The following DYNC2H1 variants were observed in gnomAD, a reference collection of about 807,000 sequenced individuals.
DYNC2H1 encodes cytoplasmic dynein 2 heavy chain 1.
A neutral mutation model predicts 570.0 loss-of-function variants in DYNC2H1; 410 were observed. The ratio of observed to expected loss-of-function variants is 0.72; its 90% confidence interval spans 0.66 to 0.78. DYNC2H1 has a LOEUF of 0.78. Among genes scored for constraint, DYNC2H1 ranks in the 30% least tolerant of loss-of-function variants. The pLI, the probability that DYNC2H1 is intolerant of heterozygous loss-of-function variation, is 0.00. For missense variants in DYNC2H1, 4,865 were observed against 5,046.4 expected, an observed-to-expected ratio of 0.96 and a Z score of 1.09; for synonymous variants, 1,688 against 1,677.6, an observed-to-expected ratio of 1.01 and a Z score of -0.15.
chr11:103,460,254 G>A (rs141351362), intron 87 of DYNC2H1, among the ~76,000 whole-genome samples: 1 of 152,042 alleles, frequency 6.6e-6, no homozygotes, highest in Non-Finnish European at 1.5e-5. Flanking sequence ...GAGAGTGAGG[G>A]AACACAAAAC....
intron 83 of DYNC2H1, among the ~76,000 whole-genome samples, chr11:103,387,485 T>C (rs1941937751): frequency 6.6e-6 from 1 of 152,248 alleles, no homozygotes; most frequent in South Asian, 2.1e-4. Flanking sequence ...TCTTTTGCTG[T>C]GCAGAAGCTC....
chr11:103,208,486 A>G (rs1863023939), intron 52 of DYNC2H1, among the ~76,000 whole-genome samples: 1 of 152,192 alleles, frequency 6.6e-6, no homozygotes, highest in Non-Finnish European at 1.5e-5. Flanking sequence ...CAGTGGTTCA[A>G]GGACATGATA....
intron 75 of DYNC2H1, among the ~76,000 whole-genome samples, chr11:103,301,983 A>G (rs1406907663): frequency 6.6e-6 from 1 of 151,998 alleles, no homozygotes; most frequent in Non-Finnish European, 1.5e-5. Flanking sequence ...AGCTCAATTC[A>G]AACAAGTATA....
chr11:103,141,607 G>T (rs568814275), intron 17 of DYNC2H1, among the ~76,000 whole-genome samples: 19 of 152,340 alleles, frequency 1.2e-4, no homozygotes, highest in African/African-American at 4.1e-4. Flanking sequence ...GTGTCAGTCT[G>T]CCCCTACTGG....
chr11:103,273,972 A>G (rs1865808290), intron 70 of DYNC2H1, among the ~76,000 whole-genome samples: 1 of 152,192 alleles, frequency 6.6e-6, no homozygotes, highest in African/African-American at 2.4e-5. Context: ...ATAATTAGCA[A>G]TTAGTTTACT....
At chr11:103,182,985 A>T (rs944482805) in intron 40 of DYNC2H1, among the ~76,000 whole-genome samples, 1 of 151,916 alleles carries the variant, frequency 6.6e-6, no homozygotes, top group Non-Finnish European at 1.5e-5. Context: ...GAACACTCCC[A>T]TTAGCTCCTA....
intron 82 of DYNC2H1, among the ~76,000 whole-genome samples, chr11:103,328,060 C>T (rs1938586363): frequency 6.6e-6 from 1 of 152,180 alleles, no homozygotes; most frequent in Non-Finnish European, 1.5e-5. Context: ...TTACTTTTTA[C>T]TCACTCGAAT....
At chr11:103,273,951 TG>T in intron 70 of DYNC2H1, among the ~76,000 whole-genome samples, 1 of 152,298 alleles carries the variant, frequency 6.6e-6, no homozygotes, top group Non-Finnish European at 1.5e-5. Context: ...TTTGGAGTTT[TG>T]GGCTCAGTAA....
rs1406051938 is a variant in DYNC2H1 at position 103,435,416 on chromosome 11, T to C, written c.12367-527T>C. ...TCTGCATTAATGGTTAATGCCTTTA[T>C]TGGAAGGTCAAATATTAGATAACTT... On this transcript the variant is annotated intron_variant, in intron 84 of 88. Transcript: ENST00000375735. Among the ~76,000 whole-genome samples the C allele has an allele frequency of 2.6e-5, 4 of 152,162 alleles. No homozygotes were observed. The South Asian group carries it at 6.2e-4, about 24-fold the overall frequency.
At position 103,228,378 on chromosome 11, in the gene DYNC2H1, G is replaced by A. The variant is rs771025331; in HGVS notation, c.9354-2882G>A. On this transcript the variant is annotated intron_variant, in intron 59 of 88. Transcript: ENST00000375735. The surrounding 1 kb of genome is among the most constrained non-coding windows in gnomAD (Gnocchi z 6.1). ...ATCAGATTCTTTTGTCTCATGGGGCGCTCCCTTGCTGTGATGGTCTTTCCC... is the reference window on the plus strand; with the variant it reads ...ATCAGATTCTTTTGTCTCATGGGGCACTCCCTTGCTGTGATGGTCTTTCCC... 1.2e-4 allele frequency among the ~76,000 whole-genome samples: 19 copies of A among 152,230 alleles called. 1 individual carries two copies. The highest frequency in any genetic ancestry group is 6.8e-3 in the Middle Eastern group (2 of 294).
intron 70 of DYNC2H1, among the ~76,000 whole-genome samples, chr11:103,274,570 C>A (rs534572341): frequency 5.9e-4 from 90 of 152,204 alleles, no homozygotes; most frequent in African/African-American, 2.2e-3. Context: ...ATCTTACTAG[C>A]TTCTCCAGCT....
chr11:103,260,603 C>A (rs557779620), intron 70 of DYNC2H1, among the ~76,000 whole-genome samples: 2 of 150,704 alleles, frequency 1.3e-5, no homozygotes, highest in Non-Finnish European at 1.5e-5. Flanking sequence ...AACGCAGAGG[C>A]CTTTTTGTAC....
chr11:103,198,561 G>A (rs923300903), intron 48 of DYNC2H1, among the ~76,000 whole-genome samples: 2 of 152,150 alleles, frequency 1.3e-5, no homozygotes, highest in Admixed American at 6.5e-5. Flanking sequence ...TCAAGAAGAA[G>A]AAACAGTATT....
chr11:103,361,172 T>C (rs916882519), intron 83 of DYNC2H1, among the ~76,000 whole-genome samples: 1 of 152,202 alleles, frequency 6.6e-6, no homozygotes, highest in Non-Finnish European at 1.5e-5. Context: ...GTTGAAGTCT[T>C]AACTCTCAAA....
intron 87 of DYNC2H1, among the ~76,000 whole-genome samples, chr11:103,459,927 C>T (rs1047240238): frequency 7.2e-6 from 1 of 139,302 alleles, no homozygotes; most frequent in Non-Finnish European, 1.5e-5. Context: ...AGTCCGCAGT[C>T]CGGCCTGGGC....
chr11:103,463,586 C>T (rs916043385), intron 87 of DYNC2H1, among the ~76,000 whole-genome samples: 1 of 152,030 alleles, frequency 6.6e-6, no homozygotes, highest in Admixed American at 6.6e-5. Flanking sequence ...CCTGTTTCTA[C>T]TACAAATACA....
Position 103,185,820 on chromosome 11 carries a change from A to G in DYNC2H1, c.6634-422A>G, listed in dbSNP as rs899778482. On this transcript the variant is annotated intron_variant, in intron 41 of 88. Coordinates refer to ENST00000375735, the MANE Select transcript of DYNC2H1 (RefSeq NM_001377.3). The surrounding 1 kb of genome is among the most constrained non-coding windows in gnomAD (Gnocchi z 4.5). ...AGGGCTAACTCTGCTTTATATATGC[A>G]TAGATAACAGTTTTCAGTATTAAAA... Among the ~76,000 whole-genome samples, 2 of 151,988 alleles carry G rather than the reference A, an allele frequency of 1.3e-5. No homozygotes were observed. Among genetic ancestry groups the G allele is most frequent in the African/African-American group, 2.4e-5 (1 of 41,400 alleles).
chr11:103,286,495 G>A lies in DYNC2H1; in HGVS notation c.11022+109G>A, dbSNP rs568617923. The A allele has an allele frequency of 1.6e-4, 210 of 1,275,132 alleles. 1 individual carries two copies. The highest frequency in any genetic ancestry group is 1.1e-3 in the Middle Eastern group (4 of 3,540). 79.0% of individuals were successfully genotyped at this position (1,275,132 alleles called of 1,614,324 possible). On this transcript the variant is annotated intron_variant, in intron 74 of 88. Coordinates refer to ENST00000375735, the MANE Select transcript of DYNC2H1 (RefSeq NM_001377.3). ...TTTAGAGTGTTACTTTACCTTTAATGGCGTATTTGGGGAAGGGCTTGATCC... is the reference window on the plus strand; with the variant it reads ...TTTAGAGTGTTACTTTACCTTTAATAGCGTATTTGGGGAAGGGCTTGATCC...
At chr11:103,272,407 A>C (rs1028531068) in intron 70 of DYNC2H1, among the ~76,000 whole-genome samples, 6 of 151,492 alleles carry the variant, frequency 4.0e-5, no homozygotes, top group African/African-American at 1.5e-4. Context: ...GGAACATCAC[A>C]CACCAGGGCC....
Sources: allele counts gnomAD v4.1 joint callset (sites outside exome capture counted in the v4.1 genomes callset), GRCh38; gene constraint gnomAD v4.1.1; non-coding constraint Gnocchi (gnomAD v3.1); transcripts MANE v1.5; gene names NCBI Gene and HGNC (gene_info 2026-07-23, HGNC 2026-07-21).